TCERG1L: variants seen among roughly 807,000 people sequenced by gnomAD.
The protein encoded by TCERG1L is transcription elongation regulator 1 like.
In TCERG1L, 37 loss-of-function variants were observed where a neutral mutation model predicts 56.3. The ratio of observed to expected loss-of-function variants is 0.66; its 90% CI spans 0.51 to 0.87. TCERG1L has a LOEUF of 0.87. Ranked by LOEUF, TCERG1L falls within the 40% of genes least tolerant of loss-of-function variation. TCERG1L has a pLI of 0.00. For synonymous variants in TCERG1L, 324 were observed against 326.3 expected (o/e 0.99, Z 0.08); for missense variants, 799 against 774.2 (o/e 1.03, Z -0.38).
intron 8 of TCERG1L, among the ~76,000 whole-genome samples, chr10:131,124,160 T>C (rs1048562537): frequency 3.9e-5 from 6 of 152,140 alleles, no homozygotes; most frequent in East Asian, 1.9e-4. Flanking sequence ...TTGGTCAGGG[T>C]TGGACCATCC....
At chr10:131,310,069 A>G (rs930004881) in intron 1 of TCERG1L, among the ~76,000 whole-genome samples, 1 of 152,164 alleles carries the variant, frequency 6.6e-6, no homozygotes, top group Non-Finnish European at 1.5e-5. Context: ...TTACATGAAA[A>G]TGTTCTTCTG....
At chr10:131,286,653 A>G (rs1846546797) in intron 3 of TCERG1L, among the ~76,000 whole-genome samples, 1 of 152,252 alleles carries the variant, frequency 6.6e-6, no homozygotes, top group Admixed American at 6.5e-5. Flanking sequence ...ATGTAGCTTA[A>G]AATGGATCCT....
chr10:131,219,371 G>A (rs1845705682), intron 4 of TCERG1L, among the ~76,000 whole-genome samples: 1 of 152,296 alleles, frequency 6.6e-6, no homozygotes, highest in East Asian at 1.9e-4. Flanking sequence ...CCCCTGGCTG[G>A]CCGACCCCAG....
At position 131,150,184 on chromosome 10, in the gene TCERG1L, C is replaced by A. The variant is rs576172772; in HGVS notation, c.1035-3524G>T. On this transcript the variant is annotated intron_variant, in intron 6 of 11. Transcript: ENST00000368642. ...AGAGCACAGAACAACTTCCTGTGACCTGGGTACAGCAGATGGACCTGTTGA... is the reference window on the plus strand; with the variant it reads ...AGAGCACAGAACAACTTCCTGTGACATGGGTACAGCAGATGGACCTGTTGA... Among the ~76,000 whole-genome samples, 11 of 28,946 alleles carry A rather than the reference C, an allele frequency of 3.8e-4. No individual in the cohort carries two copies. In the South Asian group the frequency reaches 0.016, roughly 41 times the overall value. The allele number at this position is 28,946 out of a possible 152,430, so 19.0% of individuals were successfully genotyped here. A position where few individuals can be genotyped will look rare whatever the true frequency, so the allele number is the denominator to read the frequency against.
chr10:131,275,367 T>C (rs979361745), intron 3 of TCERG1L, among the ~76,000 whole-genome samples: 5 of 152,140 alleles, frequency 3.3e-5, no homozygotes, highest in Non-Finnish European at 5.9e-5. Context: ...AAGGCGAGAG[T>C]GTGGTACTCT....
chr10:131,183,990 C>T (rs1451549389), intron 4 of TCERG1L, among the ~76,000 whole-genome samples: 4 of 152,190 alleles, frequency 2.6e-5, no homozygotes, highest in African/African-American at 4.8e-5. Flanking sequence ...CCCTTGTTTC[C>T]GCAGGGCCAA....
At chr10:131,293,813 A>G (rs948990489) in intron 3 of TCERG1L, among the ~76,000 whole-genome samples, 4 of 152,176 alleles carry the variant, frequency 2.6e-5, no homozygotes, top group African/African-American at 9.7e-5. Flanking sequence ...ATTAATTCTA[A>G]TAGAAGCACT....
chr10:131,162,917 G>A, intron 6 of TCERG1L: 3 of 508,454 alleles, frequency 5.9e-6, no homozygotes, highest in Non-Finnish European at 1.0e-5. Context: ...GATCAGAGCA[G>A]GATAGCTCAT....
rs538387227 is a variant in TCERG1L, at chr10:131,208,927, A to G, written c.857-42042T>C. Among the ~76,000 whole-genome samples the G allele has an allele frequency of 1.3e-4, 20 of 152,124 alleles. No homozygotes were observed. In the South Asian group the frequency reaches 2.7e-3, roughly 21 times the overall value. On this transcript the variant is annotated intron_variant, in intron 4 of 11. Coordinates refer to ENST00000368642, the MANE Select transcript of TCERG1L (RefSeq NM_174937.4). ...AAAAAAATTAGCCAGGCGTGGTGGC[A>G]GGCGCCTGTAGTCCCAGCTACTCGG...
intron 4 of TCERG1L, among the ~76,000 whole-genome samples, chr10:131,235,277 T>C (rs1482909872): frequency 6.6e-6 from 1 of 152,216 alleles, no homozygotes; most frequent in Non-Finnish European, 1.5e-5. Flanking sequence ...AGACTTATAT[T>C]TCACGTTGGA....
chr10:131,246,914 C>T (rs557631517), intron 4 of TCERG1L, among the ~76,000 whole-genome samples: 2 of 152,258 alleles, frequency 1.3e-5, no homozygotes, highest in East Asian at 3.9e-4. Flanking sequence ...GCCCTCTCGC[C>T]CACGACGCCG....
At chr10:131,304,836 T>C (rs1289348028) in intron 3 of TCERG1L, among the ~76,000 whole-genome samples, 4 of 151,948 alleles carry the variant, frequency 2.6e-5, no homozygotes, top group African/African-American at 7.3e-5. Context: ...AGTGGAAGAA[T>C]GATGTAAAGT....
intron 9 of TCERG1L, among the ~76,000 whole-genome samples, chr10:131,104,655 A>T (rs1845334629): frequency 6.6e-6 from 1 of 152,234 alleles, no homozygotes; most frequent in Non-Finnish European, 1.5e-5. Context: ...ATTCTGGAAC[A>T]ACCCATTTCA....
intron 4 of TCERG1L, among the ~76,000 whole-genome samples, chr10:131,237,317 C>T (rs1845922867): frequency 6.6e-6 from 1 of 152,254 alleles, no homozygotes; most frequent in South Asian, 2.1e-4. Flanking sequence ...GTCCACTTCC[C>T]ATGCTGGTCA....
At chr10:131,182,539 A>G (rs1845191721) in intron 4 of TCERG1L, among the ~76,000 whole-genome samples, 1 of 152,258 alleles carries the variant, frequency 6.6e-6, no homozygotes, top group Admixed American at 6.5e-5. Flanking sequence ...CCCTTGCACA[A>G]AAGTGAACTC....
chr10:131,159,698 C>T (rs1320307348), intron 6 of TCERG1L, among the ~76,000 whole-genome samples: 4 of 94,790 alleles, frequency 4.2e-5, no homozygotes, highest in African/African-American at 2.1e-4. Context: ...CAACCCCACC[C>T]CATGGCAGAG....
chr10:131,136,988 A>C (rs1845682294), intron 7 of TCERG1L, among the ~76,000 whole-genome samples: 1 of 151,790 alleles, frequency 6.6e-6, no homozygotes, highest in Non-Finnish European at 1.5e-5. Flanking sequence ...AAAAATATAA[A>C]AATTAGCCGG....
chr10:131,148,564 AC>A (rs1280642245), intron 6 of TCERG1L, among the ~76,000 whole-genome samples: 4 of 141,952 alleles, frequency 2.8e-5, no homozygotes, highest in South Asian at 5.0e-4. Context: ...AGAGAAACAC[AC>A]ATACACACAA....
In TCERG1L at chr10:131,311,333, G is replaced by A; in HGVS notation, c.303C>T (p.Ala101=). Residue 101 remains alanine (A), a synonymous_variant, in exon 1 of 12, where the codon GCC becomes GCT. Coordinates refer to ENST00000368642, the MANE Select transcript of TCERG1L (RefSeq NM_174937.4). The surrounding 1 kb of genome is among the most constrained non-coding windows in gnomAD (Gnocchi z 4.0). ...CGGGGAAGGGGTGCGCGGCGGCGGC[G>A]GCGGCGGAGTCTGGCGCAGAGGGCA... ...LPLPSAPDSA[A]AAAAHPFPAL... is the part of the protein sequence containing the mutation. 1 of 1,207,178 alleles carries A rather than the reference G, an allele frequency of 8.3e-7. No homozygotes were observed. The highest frequency in any genetic ancestry group is 1.0e-6 in the Non-Finnish European group (1 of 972,992). The allele number at this position is 1,207,178 out of a possible 1,614,324, so 74.8% of individuals were successfully genotyped here.
Sources: allele counts gnomAD v4.1 joint callset (sites outside exome capture counted in the v4.1 genomes callset), GRCh38; gene constraint gnomAD v4.1.1; non-coding constraint Gnocchi (gnomAD v3.1); transcripts MANE v1.5; gene names NCBI Gene and HGNC (gene_info 2026-07-23, HGNC 2026-07-21).